Variants in CLECL1 observed in about 807,000 individuals in gnomAD.
CLECL1 encodes C-type lectin-like domain family 1.
chr12:9,733,056 A>G, upstream of CLECL1: 1 of 1,614,164 alleles, frequency 6.2e-7, no homozygotes, highest in Non-Finnish European at 8.5e-7. Context: ...GAGAGAGAAG[A>G]CCACAAATGA....
At chr12:9,722,847 T>A (rs770667969) in intron 3 of CLECL1, 34 bp from the exon 2 acceptor site, 1 of 1,493,402 alleles carries the variant, frequency 6.7e-7, no homozygotes, top group Non-Finnish European at 9.2e-7. Context: ...TTAAAATCAA[T>A]GTAAAACTGT....
chr12:9,723,598 G>A (rs776936024), intron 3 of CLECL1, among the ~76,000 whole-genome samples: 6 of 152,186 alleles, frequency 3.9e-5, no homozygotes, highest in African/African-American at 1.4e-4. Flanking sequence ...GCCAATTGTA[G>A]TCCCATGTAG....
At chr12:9,706,537 C>T in the CLECL1 span, among the ~76,000 whole-genome samples, 1 of 152,094 alleles carries the variant, frequency 6.6e-6, no homozygotes, top group East Asian at 1.9e-4. Flanking sequence ...CCTTAAACAC[C>T]AGGTAGATTG....
intron 1 of CLECL1, among the ~76,000 whole-genome samples, chr12:9,729,814 C>CT (rs200222926): frequency 3.7e-4 from 55 of 147,154 alleles, no homozygotes; most frequent in African/African-American, 5.0e-4. Context: ...GACCCAGCTT[C>CT]TTTTTTTTTT....
chr12:9,724,243 T>C (rs1866349870), intron 3 of CLECL1, among the ~76,000 whole-genome samples: 4 of 151,824 alleles, frequency 2.6e-5, no homozygotes. Context: ...ACACTTTCAC[T>C]TTTTTTGGAG....
At chr12:9,722,932 A>G (rs1159533572) in intron 3 of CLECL1, 119 bp from the exon 2 acceptor site, 9 of 660,998 alleles carry the variant, frequency 1.4e-5, no homozygotes, top group African/African-American at 5.6e-5. Context: ...TGAAAAAAGT[A>G]TGTGCTTTGT....
At chr12:9,725,298 A>T (rs1004550815) in intron 3 of CLECL1, among the ~76,000 whole-genome samples, 1 of 152,160 alleles carries the variant, frequency 6.6e-6, no homozygotes, top group Non-Finnish European at 1.5e-5. Flanking sequence ...TTCAAAAAAC[A>T]TTTGGTCTTG....
downstream of CLECL1, among the ~76,000 whole-genome samples, chr12:9,713,646 CTT>C (rs1392439742): frequency 6.6e-6 from 1 of 152,206 alleles, no homozygotes; most frequent in African/African-American, 2.4e-5. Flanking sequence ...AGTTCTCACT[CTT>C]ATTTTTGCTA....
At chr12:9,726,566 G>A (rs1377887105) in intron 3 of CLECL1, among the ~76,000 whole-genome samples, 1 of 151,972 alleles carries the variant, frequency 6.6e-6, no homozygotes, top group East Asian at 1.9e-4. Context: ...AAAGAATTTG[G>A]AATGGTGGTT....
At chr12:9,706,498 A>G in the CLECL1 span, among the ~76,000 whole-genome samples, 1 of 152,198 alleles carries the variant, frequency 6.6e-6, no homozygotes, top group African/African-American at 2.4e-5. Flanking sequence ...TAGATTTGTC[A>G]TATATGACTC....
intron 3 of CLECL1, among the ~76,000 whole-genome samples, chr12:9,726,355 A>C (rs990906124): frequency 3.3e-5 from 5 of 152,012 alleles, no homozygotes; most frequent in African/African-American, 9.7e-5. Context: ...GAAATTAAAA[A>C]CTCAGTGAAT....
intron 2 of CLECL1, chr12:9,716,855 T>C: frequency 1.3e-6 from 1 of 774,030 alleles, no homozygotes. Context: ...TGGATTATTA[T>C]GGGACCATCC....
downstream of CLECL1, among the ~76,000 whole-genome samples, chr12:9,712,930 T>C (rs1444595153): frequency 6.6e-6 from 1 of 152,156 alleles, no homozygotes; most frequent in African/African-American, 2.4e-5. Context: ...AAAAACTATA[T>C]TGTAGCAGGA....
intron 3 of CLECL1, among the ~76,000 whole-genome samples, chr12:9,723,317 C>G (rs755173633): frequency 6.6e-6 from 1 of 152,168 alleles, no homozygotes; most frequent in Non-Finnish European, 1.5e-5. Context: ...AAAATGTGCT[C>G]TTAACAGCTA....
At chr12:9,733,269 T>C (rs373298472), upstream of CLECL1, 45 of 1,578,434 alleles carry the variant, frequency 2.9e-5, no homozygotes, top group African/African-American at 5.0e-4. Context: ...AACCATACAG[T>C]AGGTTCTCGT....
At chr12:9,710,352 C>T in the CLECL1 span, among the ~76,000 whole-genome samples, 1 of 152,108 alleles carries the variant, frequency 6.6e-6, no homozygotes, top group Non-Finnish European at 1.5e-5. Flanking sequence ...CAGTTTACCC[C>T]AAAAGAATGC....
At chr12:9,732,758 A>G (rs976118636) in intron 1 of CLECL1, among the ~76,000 whole-genome samples, 191 bp downstream of exon 1, 1 of 152,230 alleles carries the variant, frequency 6.6e-6, no homozygotes, top group Non-Finnish European at 1.5e-5. Context: ...TATTAAAACC[A>G]AAGTGGCAAT....
intron 2 of CLECL1, among the ~76,000 whole-genome samples, chr12:9,729,245 CA>C (rs1319573027): frequency 6.6e-6 from 1 of 152,014 alleles, no homozygotes; most frequent in East Asian, 1.9e-4. Flanking sequence ...CACAGAAACA[CA>C]AGTCATAATT....
downstream of CLECL1, among the ~76,000 whole-genome samples, chr12:9,712,947 G>T (rs1458550199): frequency 1.3e-5 from 2 of 152,128 alleles, 1 homozygote; most frequent in South Asian, 4.1e-4. Flanking sequence ...AGGATGAGCC[G>T]CAGACAAAAC....
Sources: allele counts gnomAD v4.1 joint callset (sites outside exome capture counted in the v4.1 genomes callset), GRCh38; gene constraint gnomAD v4.1.1; transcripts MANE v1.5; gene names NCBI Gene and HGNC (gene_info 2026-07-23, HGNC 2026-07-21).